BCAR1: variants seen among roughly 807,000 people sequenced by gnomAD.
BCAR1 encodes the protein breast cancer anti-estrogen resistance protein 1.
A neutral mutation model predicts 67.6 loss-of-function variants in BCAR1; 30 were observed. The observed-to-expected ratio is 0.44, with a 90% CI of 0.33 to 0.60. The LOEUF (loss-of-function observed/expected upper bound fraction) is 0.60, where lower values mean the gene tolerates loss of function less well. BCAR1 is among the 20% of genes least tolerant of loss of function. The pLI is 0.02. For missense variants in BCAR1, 1,313 were observed against 1,222.3 expected, an observed-to-expected ratio of 1.07 and a Z score of -1.11; for synonymous variants, 626 against 556.7, an observed-to-expected ratio of 1.12 and a Z score of -1.75.
At chr16:75,244,534 G>T (rs556691318) in intron 1 of BCAR1, among the ~76,000 whole-genome samples, 26 of 152,238 alleles carry the variant, frequency 1.7e-4, no homozygotes, top group African/African-American at 5.8e-4. Flanking sequence ...ACCAGGCAGC[G>T]GCCTGGGTAG....
At chr16:75,266,838 C>A in intron 1 of BCAR1, 4 of 1,273,308 alleles carry the variant, frequency 3.1e-6, no homozygotes, top group Non-Finnish European at 4.0e-6. Context: ...CTGCCCACCC[C>A]AGGGAGGAAA....
chr16:75,251,273 G>A (rs2151462159), intron 1 of BCAR1, among the ~76,000 whole-genome samples, 198 bp downstream of exon 1: 1 of 152,036 alleles, frequency 6.6e-6, no homozygotes, highest in Admixed American at 6.5e-5. Flanking sequence ...CGCACCCGAG[G>A]CGCACAGGCT....
At chr16:75,234,785 A>G in intron 5 of BCAR1, 104 bp downstream of exon 5, 2 of 1,473,546 alleles carry the variant, frequency 1.4e-6, no homozygotes, top group Non-Finnish European at 1.8e-6. Flanking sequence ...AGGAGGGTGC[A>G]GGGCCTTGCC....
chr16:75,248,341 C>A, intron 1 of BCAR1: 1 of 1,346,954 alleles, frequency 7.4e-7, no homozygotes, highest in Non-Finnish European at 9.6e-7. Context: ...TCTTTCATAC[C>A]CAGAACCATC....
intron 1 of BCAR1, chr16:75,248,099 C>T (rs2077574141): frequency 6.3e-7 from 1 of 1,596,912 alleles, no homozygotes; most frequent in Admixed American, 1.7e-5. Flanking sequence ...AGCTCCCTGA[C>T]AGCCCAGGGT....
chr16:75,258,120 T>C (rs566882048), intron 1 of BCAR1, among the ~76,000 whole-genome samples: 38 of 152,298 alleles, frequency 2.5e-4, no homozygotes, highest in African/African-American at 3.6e-4. Flanking sequence ...CATCACACAC[T>C]GGCCCCACCC....
chr16:75,263,519 C>A, intron 1 of BCAR1: 10 of 985,456 alleles, frequency 1.0e-5, no homozygotes, highest in Non-Finnish European at 1.2e-5. Flanking sequence ...CTTCCCCTCT[C>A]TGGGTCCGGG....
intron 1 of BCAR1, chr16:75,264,065 C>A (rs1176782497): frequency 2.4e-6 from 3 of 1,241,742 alleles, no homozygotes; most frequent in Non-Finnish European, 3.0e-6. Flanking sequence ...GACTCAGAGC[C>A]CGTGATGGTG....
chr16:75,267,476 C>T (rs1372715063), intron 1 of BCAR1, among the ~76,000 whole-genome samples: 3 of 152,048 alleles, frequency 2.0e-5, no homozygotes, highest in African/African-American at 4.8e-5. Flanking sequence ...TGGCCCTGCC[C>T]GTGCCCACCC....
chr16:75,265,990 T>C, intron 1 of BCAR1: 1 of 1,043,834 alleles, frequency 9.6e-7, no homozygotes, highest in Non-Finnish European at 1.1e-6. Context: ...GTCCGGCCGC[T>C]CCAGCCGCGC....
At chr16:75,263,370 A>T in intron 1 of BCAR1, 1 of 985,422 alleles carries the variant, frequency 1.0e-6, no homozygotes, top group East Asian at 1.1e-4. Flanking sequence ...AGCTGCAGGA[A>T]GAGTCAGGCC....
At chr16:75,234,683 G>C (rs932401076) in intron 5 of BCAR1, among the ~76,000 whole-genome samples, 4 of 152,232 alleles carry the variant, frequency 2.6e-5, no homozygotes, top group Non-Finnish European at 5.9e-5. Context: ...CTGGTCACCA[G>C]AGATACCAGC....
chr16:75,238,693 C>T (rs994707994), intron 2 of BCAR1: 197 of 985,676 alleles, frequency 2.0e-4, no homozygotes, highest in Non-Finnish European at 2.2e-4. Flanking sequence ...CGCCCCCTTC[C>T]AGTGCGTCTG....
intron 1 of BCAR1, chr16:75,248,897 A>T (rs1236105042): frequency 1.3e-5 from 2 of 152,524 alleles, no homozygotes; most frequent in Non-Finnish European, 2.9e-5. Flanking sequence ...ACACAAGCAC[A>T]GAGCACAGCC....
chr16:75,229,828 A>T lies in BCAR1; in HGVS notation c.2296T>A (p.Phe766Ile), dbSNP rs780553904. 2 of 1,613,244 alleles carry T rather than the reference A, an allele frequency of 1.2e-6. No homozygotes were observed. Among genetic ancestry groups the T allele is most frequent in the African/African-American group, 2.7e-5 (2 of 74,930 alleles). ...GGCTGGTTGGTGGCCACGGCGGTAA[A>T]GAAGGCGTCCACGGCGTTGGTCAGT... is the stretch of plus-strand genomic sequence containing the variant. ...TTLTNAVDAF[F>I]TAVATNQPPK... is the part of the protein sequence containing the mutation. Residue 766 changes from phenylalanine (F) to isoleucine (I), a missense_variant, in exon 7 of 7, where the codon TTT becomes ATT. By Grantham distance (21) the Phe-to-Ile change is conservative (BLOSUM62 0). Around this residue, in one of 2 missense-constraint regions of BCAR1, gnomAD observed 1,272 missense variants for 1,137.5 expected, o/e 1.12. Coordinates refer to ENST00000162330, the MANE Select transcript of BCAR1 (RefSeq NM_014567.5).
chr16:75,243,375 C>T, intron 1 of BCAR1: 1 of 620,832 alleles, frequency 1.6e-6, no homozygotes, highest in African/African-American at 1.8e-5. Context: ...CTCAAGATAT[C>T]CCTAAAAGCC....
chr16:75,264,171 G>C, intron 1 of BCAR1: 2 of 1,327,096 alleles, frequency 1.5e-6, no homozygotes, highest in Non-Finnish European at 1.9e-6. Context: ...CAGTGCCAAA[G>C]AAGGCTGCCC....
intron 1 of BCAR1, chr16:75,250,185 G>T (rs1379753688): frequency 6.5e-6 from 1 of 153,150 alleles, no homozygotes; most frequent in African/African-American, 2.4e-5. Flanking sequence ...GGCAGAACCT[G>T]GGACTGCCCT....
At chr16:75,264,390 T>TGC (rs2077962499) in intron 1 of BCAR1, 1 of 1,532,352 alleles carries the variant, frequency 6.5e-7, no homozygotes, top group Admixed American at 2.0e-5. Flanking sequence ...CTTGTCCCTC[T>TGC]GCCCAGTGCC....
Sources: allele counts gnomAD v4.1 joint callset (sites outside exome capture counted in the v4.1 genomes callset), GRCh38; gene constraint gnomAD v4.1.1; regional missense constraint gnomAD v4.1.1; transcripts MANE v1.5; gene names NCBI Gene and HGNC (gene_info 2026-07-23, HGNC 2026-07-21).